The following CMC1 variants were observed in gnomAD, a reference collection of about 807,000 sequenced individuals.
CMC1 encodes the protein COX assembly mitochondrial protein homolog.
CMC1 carries 14 observed loss-of-function variants against 14.1 expected under a neutral mutation model. The observed-to-expected ratio is 0.99, with a 90% CI of 0.66 to 1.55. CMC1 has a LOEUF of 1.55. Among genes scored for constraint, CMC1 ranks in the 40% most tolerant of loss-of-function variants. The pLI is 0.00. For synonymous variants in CMC1, 50 were observed against 38.4 expected (o/e 1.30, Z -1.12); for missense variants, 127 against 123.8 (o/e 1.03, Z -0.12).
intron 2 of CMC1, among the ~76,000 whole-genome samples, chr3:28,291,170 A>G (rs1701452498): frequency 6.6e-6 from 1 of 152,174 alleles, no homozygotes; most frequent in African/African-American, 2.4e-5. Context: ...CAGTCATAGA[A>G]GTGACATCCT....
At chr3:28,242,432 A>G (rs1317944154) in intron 1 of CMC1, among the ~76,000 whole-genome samples, 3 of 152,198 alleles carry the variant, frequency 2.0e-5, no homozygotes, top group Non-Finnish European at 4.4e-5. Context: ...GCAAGGGAAT[A>G]GATAACATTT....
chr3:28,314,916 G>A (rs1200851201), intron 2 of CMC1: 1 of 152,132 alleles, frequency 6.6e-6, no homozygotes, highest in Non-Finnish European at 1.5e-5. Context: ...CAAGTACCTG[G>A]AAGGATAACA....
intron 2 of CMC1, chr3:28,292,604 A>C (rs918377277): frequency 2.0e-5 from 3 of 152,092 alleles, no homozygotes; most frequent in Non-Finnish European, 2.9e-5. Context: ...TTTCTGGATA[A>C]ATTTAAATAT....
intron 2 of CMC1, among the ~76,000 whole-genome samples, chr3:28,263,983 T>C (rs1699865618): frequency 6.6e-6 from 1 of 152,170 alleles, no homozygotes; most frequent in Admixed American, 6.6e-5. Flanking sequence ...CAGTGATTAA[T>C]ATGTAATATT....
chr3:28,257,735 T>G (rs1460437592), intron 1 of CMC1, among the ~76,000 whole-genome samples: 4 of 152,134 alleles, frequency 2.6e-5, no homozygotes, highest in African/African-American at 9.7e-5. Context: ...GCCAGGATGG[T>G]CTCGATCTCT....
intron 1 of CMC1, among the ~76,000 whole-genome samples, chr3:28,252,508 A>AT (rs1303317306): frequency 6.6e-6 from 1 of 152,096 alleles, no homozygotes; most frequent in Non-Finnish European, 1.5e-5. Context: ...TTTTAAAAAT[A>AT]TTTTTTTCCC....
intron 2 of CMC1, among the ~76,000 whole-genome samples, chr3:28,268,506 CAT>C (rs1700118917): frequency 6.6e-6 from 1 of 152,192 alleles, no homozygotes; most frequent in Admixed American, 6.5e-5. Flanking sequence ...CTCTGCCTAA[CAT>C]GTACCAAAAT....
Position 28,324,482 on chromosome 3 carries a change from A to T in CMC1, c.*4853A>T. On this transcript the variant is annotated 3_prime_UTR_variant, in exon 4 of 4. Coordinates refer to ENST00000466830, the MANE Select transcript of CMC1 (RefSeq NM_182523.2). Reference sequence around the variant, plus strand: ...AAAAAGAAAACACAGACTAAATGTCAGTTTTCATTACATTTGTGATCATAA... The same window carrying T: ...AAAAAGAAAACACAGACTAAATGTCTGTTTTCATTACATTTGTGATCATAA... The T allele has an allele frequency of 7.0e-7, 1 of 1,428,298 alleles. No homozygotes were observed. Among genetic ancestry groups the T allele is most frequent in the Non-Finnish European group, 9.2e-7 (1 of 1,081,710 alleles). The allele number at this position is 1,428,298 out of a possible 1,614,324, so 88.5% of individuals were successfully genotyped here.
intron 2 of CMC1, among the ~76,000 whole-genome samples, chr3:28,287,790 C>T (rs1442237101): frequency 6.6e-6 from 1 of 151,522 alleles, no homozygotes; most frequent in Non-Finnish European, 1.5e-5. Flanking sequence ...TAGTTTTTAT[C>T]ATTGATTTAT....
intron 1 of CMC1, among the ~76,000 whole-genome samples, chr3:28,250,668 A>G (rs1222900799): frequency 1.3e-5 from 2 of 152,184 alleles, no homozygotes; most frequent in Admixed American, 6.5e-5. Context: ...TTTACATTGT[A>G]GGAAATTTAA....
intron 1 of CMC1, among the ~76,000 whole-genome samples, chr3:28,248,783 A>G (rs113506182): frequency 0.017 from 2,528 of 151,938 alleles, 75 homozygotes; most frequent in African/African-American, 0.057. Context: ...CCTCTGTTCT[A>G]TTTTTGCATT....
intron 2 of CMC1, among the ~76,000 whole-genome samples, chr3:28,269,611 G>C (rs1001750691): frequency 5.9e-5 from 9 of 151,522 alleles, no homozygotes; most frequent in African/African-American, 2.2e-4. Flanking sequence ...TGTTGCCTAA[G>C]CTGGAGGGTA....
chr3:28,318,055 C>T (rs1291677520), intron 3 of CMC1: 1 of 151,732 alleles, frequency 6.6e-6, no homozygotes, highest in African/African-American at 2.4e-5. Flanking sequence ...GAAAATTGTA[C>T]TTGACTTTGA....
At chr3:28,268,276 A>G (rs1379579527) in intron 2 of CMC1, among the ~76,000 whole-genome samples, 5 of 152,186 alleles carry the variant, frequency 3.3e-5, no homozygotes, top group Admixed American at 3.3e-4. Flanking sequence ...GATACAAAGC[A>G]AAATCAACAA....
chr3:28,301,640 T>TTAA (rs1553620335), intron 2 of CMC1, among the ~76,000 whole-genome samples: 4 of 150,876 alleles, frequency 2.7e-5, no homozygotes, highest in African/African-American at 9.8e-5. Context: ...TTTTTTTTTT[T>TTAA]AAAAAAATAG....
intron 1 of CMC1, among the ~76,000 whole-genome samples, chr3:28,258,549 C>T (rs1324283297): frequency 6.6e-5 from 9 of 135,834 alleles, no homozygotes; most frequent in Non-Finnish European, 9.4e-5. Flanking sequence ...AATTTTATTT[C>T]TTCATAAACT....
At chr3:28,282,874 C>T (rs1318161726) in intron 2 of CMC1, among the ~76,000 whole-genome samples, 1 of 152,140 alleles carries the variant, frequency 6.6e-6, no homozygotes, top group Non-Finnish European at 1.5e-5. Flanking sequence ...TATTAGATAT[C>T]TTTCCTTATT....
At chr3:28,283,551 C>CAAAAAAAAAAAAAAAAAAAAAAAAA (rs5847510) in intron 2 of CMC1, among the ~76,000 whole-genome samples, 1 of 118,278 alleles carries the variant, frequency 8.5e-6, no homozygotes, top group African/African-American at 3.1e-5. Flanking sequence ...ACAACAAAAA[C>CAAAAAAAAAAAAAAAAAAAAAAAAA]AAAAAAAAAA....
intron 2 of CMC1, among the ~76,000 whole-genome samples, chr3:28,284,524 C>T (rs1281587849): frequency 6.6e-6 from 1 of 151,674 alleles, no homozygotes; most frequent in Non-Finnish European, 1.5e-5. Context: ...ATTTTTTTTC[C>T]CAAAGCTTTC....
Sources: gnomAD v4.1 joint callset for allele counts (sites outside exome capture counted in the v4.1 genomes callset) on GRCh38, gnomAD v4.1.1 for gene constraint, MANE v1.5 for transcripts, NCBI Gene and HGNC (gene_info 2026-07-23, HGNC 2026-07-21) for gene names.